Variants in PRKAA1 observed in about 807,000 individuals in gnomAD.
The protein encoded by PRKAA1 is protein kinase AMP-activated catalytic subunit alpha 1, also known as 5'-AMP-activated protein kinase catalytic subunit alpha-1.
A neutral mutation model predicts 56.9 loss-of-function variants in PRKAA1; 23 were observed. The ratio of observed to expected loss-of-function variants is 0.40; its 90% CI spans 0.29 to 0.57. PRKAA1 has a LOEUF of 0.57. PRKAA1 is among the 20% of genes least tolerant of loss of function. The pLI is 0.39. For synonymous variants in PRKAA1, 226 were observed against 227.0 expected (o/e 1.00, Z 0.04); for missense variants, 413 against 679.7 (o/e 0.61, Z 4.36).
rs981674569 is a variant in PRKAA1, at chr5:40,761,848, T to C, written c.*930A>G. 6.6e-6 allele frequency: 1 copy of C among 152,332 alleles called. No homozygotes were observed. The highest frequency in any genetic ancestry group is 1.5e-5 in the Non-Finnish European group (1 of 68,044). 9.4% of individuals were successfully genotyped at this position (152,332 alleles called of 1,614,324 possible). On this transcript the variant is annotated 3_prime_UTR_variant, in exon 9 of 9. Coordinates refer to ENST00000397128, the MANE Select transcript of PRKAA1 (RefSeq NM_006251.6). ...TTGTGTACAGAATATCGTGGGAATA[T>C]TTTAAGACTAAAATTAGTGCTAGAG...
chr5:40,768,688 A>C, intron 5 of PRKAA1: 1 of 1,271,834 alleles, frequency 7.9e-7, no homozygotes, highest in East Asian at 3.3e-5. Context: ...GTTAATCAAG[A>C]TGCAAAACAT....
chr5:40,779,000 T>C (rs1001597875), intron 1 of PRKAA1, among the ~76,000 whole-genome samples: 1 of 151,886 alleles, frequency 6.6e-6, no homozygotes, highest in African/African-American at 2.4e-5. Context: ...TGTTTTACCA[T>C]ATTGACCAGG....
chr5:40,762,548 G>C lies in PRKAA1; in HGVS notation c.*230C>G, dbSNP rs1157409461. Reference sequence around the variant, plus strand: ...GTAAGCCTGAGACCTATAATTCACTGTGTATATTATGCTATATACATACTG... The same window carrying C: ...GTAAGCCTGAGACCTATAATTCACTCTGTATATTATGCTATATACATACTG... On this transcript the variant is annotated 3_prime_UTR_variant, in exon 9 of 9. Coordinates refer to ENST00000397128, the MANE Select transcript of PRKAA1 (RefSeq NM_006251.6). 2.0e-6 allele frequency: 1 copy of C among 491,318 alleles called. No homozygotes were observed. The highest frequency in any genetic ancestry group is 2.4e-5 in the South Asian group (1 of 41,660). 30.4% of individuals were successfully genotyped at this position (491,318 alleles called of 1,614,324 possible). A position where few individuals can be genotyped will look rare whatever the true frequency, so the allele number is the denominator to read the frequency against.
chr5:40,762,600 T>C lies in PRKAA1; in HGVS notation c.*178A>G. ...ACAATGAACAACAAAATGATCTTAA[T>C]TCATTTCTGCATATTAGGCTTTTAA... On this transcript the variant is annotated 3_prime_UTR_variant, in exon 9 of 9. Coordinates refer to ENST00000397128, the MANE Select transcript of PRKAA1 (RefSeq NM_006251.6). The C allele has an allele frequency of 1.4e-6, 1 of 726,638 alleles. No homozygotes were observed. Among genetic ancestry groups the C allele is most frequent in the African/African-American group, 1.8e-5 (1 of 56,140 alleles). The allele number at this position is 726,638 out of a possible 1,614,324, so 45.0% of individuals were successfully genotyped here.
chr5:40,792,582 AC>A (rs1247556346), intron 1 of PRKAA1, among the ~76,000 whole-genome samples: 2 of 152,180 alleles, frequency 1.3e-5, no homozygotes, highest in Non-Finnish European at 2.9e-5. Flanking sequence ...ATAACAGCAA[AC>A]TATACATATT....
Position 40,763,057 on chromosome 5 carries a change from T to C in PRKAA1, c.1436-35A>G, listed in dbSNP as rs761423436. 57 of 1,600,200 alleles carry C rather than the reference T, an allele frequency of 3.6e-5. 1 individual carries two copies. In the East Asian group the frequency reaches 3.6e-4, roughly 10 times the overall value. On this transcript the variant is annotated intron_variant, in intron 8 of 8. Transcript: ENST00000397128. ...AAGAATTTCAATTTATTATAGTCTA[T>C]GACCTTCTCCCAAAAATTTTTGTAA...
Position 40,794,552 on chromosome 5 carries a change from ATCCTTGCCT to A in PRKAA1, c.127+3502_127+3510del, listed in dbSNP as rs1561191718. Among the ~76,000 whole-genome samples the A allele has an allele frequency of 8.5e-5, 11 of 129,142 alleles. 3 individuals are homozygous for A. The highest frequency in any genetic ancestry group is 2.5e-4 in the South Asian group (1 of 4,040). 84.7% of individuals were successfully genotyped at this position (129,142 alleles called of 152,430 possible). A position where few individuals can be genotyped will look rare whatever the true frequency, so the allele number is the denominator to read the frequency against. The stretch of plus-strand genomic sequence containing the variant: ...TTGCTTTTGGGTTCTTAGTCATTAA[ATCCTTGCCT>A]AAGCCAATGTCTAGAAGGGTTTTTC... On this transcript the variant is annotated intron_variant, in intron 1 of 8. Transcript: ENST00000397128.
rs1345430976 is a variant in PRKAA1 at position 40,769,287 on chromosome 5, A to C, written c.596+129T>G. 9 of 713,742 alleles carry C rather than the reference A, an allele frequency of 1.3e-5. No individual in the cohort carries two copies. The East Asian group carries it at 2.4e-4, about 19-fold the overall frequency. The allele number at this position is 713,742 out of a possible 1,614,324, so 44.2% of individuals were successfully genotyped here. Reference sequence around the variant, plus strand: ...GTCCTTAACCCTCATTCACATATAAATGTGGTTAAGAATAAGCCTTATCTT... The same window carrying C: ...GTCCTTAACCCTCATTCACATATAACTGTGGTTAAGAATAAGCCTTATCTT... On this transcript the variant is annotated intron_variant, in intron 5 of 8. Transcript: ENST00000397128.
At position 40,782,505 on chromosome 5, in the gene PRKAA1, A is replaced by G. The variant is rs1038464647; in HGVS notation, c.128-4919T>C. Among the ~76,000 whole-genome samples the G allele has an allele frequency of 1.3e-5, 2 of 152,164 alleles. 1 individual carries two copies. Among genetic ancestry groups the G allele is most frequent in the Non-Finnish European group, 2.9e-5 (2 of 68,028 alleles). On this transcript the variant is annotated intron_variant, in intron 1 of 8. Transcript: ENST00000397128. ...AAAAGCAAAAAGTCTTATAATACAA[A>G]AGAATAAAACAAAAAAATGAATAGA...
rs76753188 is a variant in PRKAA1 at position 40,777,159 on chromosome 5, C to A, written c.269+286G>T. Reference sequence around the variant, plus strand: ...TCCCGAGTAGCTGGTATTACAGGCGCCCACCACCATGCCCAGCTAATTTTT... The same window carrying A: ...TCCCGAGTAGCTGGTATTACAGGCGACCACCACCATGCCCAGCTAATTTTT... On this transcript the variant is annotated intron_variant, in intron 2 of 8. Coordinates refer to ENST00000397128, the MANE Select transcript of PRKAA1 (RefSeq NM_006251.6). The A allele has an allele frequency of 6.6e-3, 1,344 of 202,530 alleles. 9 individuals carry two copies. Among genetic ancestry groups the A allele is most frequent in the Non-Finnish European group, 0.011 (1,110 of 99,860 alleles). The allele number at this position is 202,530 out of a possible 1,614,324, so 12.5% of individuals were successfully genotyped here. A position where few individuals can be genotyped will look rare whatever the true frequency, so the allele number is the denominator to read the frequency against.
chr5:40,788,719 C>T (rs1744597630), intron 1 of PRKAA1, among the ~76,000 whole-genome samples: 1 of 152,022 alleles, frequency 6.6e-6, no homozygotes, highest in African/African-American at 2.4e-5. Context: ...CCCAGCTACT[C>T]ATGAGGCTGA....
chr5:40,775,968 G>A (rs1164303454), intron 2 of PRKAA1, among the ~76,000 whole-genome samples: 1 of 152,208 alleles, frequency 6.6e-6, no homozygotes, highest in East Asian at 1.9e-4. Flanking sequence ...CTGCAGGCCA[G>A]AAGACACAGA....
intron 3 of PRKAA1, chr5:40,774,855 G>T: frequency 8.1e-7 from 1 of 1,241,148 alleles, no homozygotes; most frequent in South Asian, 1.3e-5. Flanking sequence ...TTTTGTATCT[G>T]TAACTTAAGG....
intron 1 of PRKAA1, among the ~76,000 whole-genome samples, chr5:40,789,715 T>C (rs1298424523): frequency 6.6e-6 from 1 of 152,158 alleles, no homozygotes; most frequent in Non-Finnish European, 1.5e-5. Flanking sequence ...TGGTGTTGTA[T>C]TGCATAGCAT....
intron 1 of PRKAA1, among the ~76,000 whole-genome samples, chr5:40,797,361 C>T (rs770014841): frequency 1.3e-5 from 2 of 152,214 alleles, no homozygotes; most frequent in Non-Finnish European, 2.9e-5. Flanking sequence ...AACGAAGTTT[C>T]GCACGGAGAA....
Position 40,761,321 on chromosome 5 carries a change from G to A in PRKAA1, c.*1457C>T, listed in dbSNP as rs1561162162. The stretch of plus-strand genomic sequence containing the variant: ...TTATTACTTTTACAATGGTATTACG[G>A]ATTTTTAGGAGAATGTCATTATCTG... On this transcript the variant is annotated 3_prime_UTR_variant, in exon 9 of 9. Coordinates refer to ENST00000397128, the MANE Select transcript of PRKAA1 (RefSeq NM_006251.6). 6.6e-6 allele frequency: 1 copy of A among 152,082 alleles called. No homozygotes were observed. The highest frequency in any genetic ancestry group is 6.6e-5 in the Admixed American group (1 of 15,262). 9.4% of individuals were successfully genotyped at this position (152,082 alleles called of 1,614,324 possible). A position where few individuals can be genotyped will look rare whatever the true frequency, so the allele number is the denominator to read the frequency against.
intron 1 of PRKAA1, among the ~76,000 whole-genome samples, chr5:40,782,218 T>TG (rs1744293605): frequency 6.6e-6 from 1 of 152,170 alleles, no homozygotes; most frequent in Non-Finnish European, 1.5e-5. Context: ...TATGATACCC[T>TG]GCTCAACTGA....
intron 1 of PRKAA1, among the ~76,000 whole-genome samples, chr5:40,790,802 G>A (rs1428492974): frequency 6.6e-6 from 1 of 152,076 alleles, no homozygotes; most frequent in Non-Finnish European, 1.5e-5. Context: ...CCTCCCAAAA[G>A]TGCTGGGATT....
chr5:40,796,386 G>C (rs1257436473), intron 1 of PRKAA1, among the ~76,000 whole-genome samples: 1 of 152,012 alleles, frequency 6.6e-6, no homozygotes, highest in Non-Finnish European at 1.5e-5. Flanking sequence ...GTCTATATTA[G>C]GGGAATGATG....
Sources: gnomAD v4.1 joint callset for allele counts (sites outside exome capture counted in the v4.1 genomes callset) on GRCh38, gnomAD v4.1.1 for gene constraint, MANE v1.5 for transcripts, NCBI Gene and HGNC (gene_info 2026-07-23, HGNC 2026-07-21) for gene names.